Variants in ADGRL3 observed in about 807,000 individuals in gnomAD.
ADGRL3 encodes the protein adhesion G protein-coupled receptor L3.
A neutral mutation model predicts 153.5 loss-of-function variants in ADGRL3; 62 were observed. The observed-to-expected ratio is 0.40, with a 90% CI of 0.33 to 0.50. ADGRL3 has a LOEUF of 0.50. Ranked by LOEUF, ADGRL3 falls within the 20% of genes least tolerant of loss-of-function variation. ADGRL3 has a pLI of 0.47. For synonymous variants in ADGRL3, 710 were observed against 672.5 expected, an observed-to-expected ratio of 1.06 and a Z score of -0.86; for missense variants, 1,641 against 1,859.4, an observed-to-expected ratio of 0.88 and a Z score of 2.16.
At chr4:61,688,351 A>G (rs556656286) in intron 6 of ADGRL3, among the ~76,000 whole-genome samples, 1 of 152,218 alleles carries the variant, frequency 6.6e-6, no homozygotes, top group Non-Finnish European at 1.5e-5. Flanking sequence ...GTAACTTAGA[A>G]GTTACGAGTA....
At chr4:61,902,913 G>A (rs145654925) in intron 11 of ADGRL3, among the ~76,000 whole-genome samples, 3 of 152,174 alleles carry the variant, frequency 2.0e-5, no homozygotes, top group African/African-American at 7.2e-5. Flanking sequence ...TAGTATATAA[G>A]CTCCCTCTTA....
chr4:61,513,990 A>G (rs1270764965), intron 3 of ADGRL3, among the ~76,000 whole-genome samples: 16 of 152,200 alleles, frequency 1.1e-4, no homozygotes, highest in Admixed American at 1.0e-3. Flanking sequence ...ATGCCACAAC[A>G]TGCTGGTGTA....
At chr4:61,322,432 C>A (rs946583622) in intron 1 of ADGRL3, among the ~76,000 whole-genome samples, 1 of 152,148 alleles carries the variant, frequency 6.6e-6, no homozygotes, top group African/African-American at 2.4e-5. Context: ...AGCAGTGACT[C>A]AAAAGTCCAC....
rs371358190 is a variant in ADGRL3, at chr4:61,583,451, A to C, written c.260-3776A>C. On this transcript the variant is annotated intron_variant, in intron 4 of 26. Transcript: ENST00000683033. ...AGGTTTCAATAATGAAGTGGCTAAA[A>C]TTTCAGAAAAGAAGTAAAGAATAGG... Among the ~76,000 whole-genome samples, 216 of 152,274 alleles carry C rather than the reference A, an allele frequency of 1.4e-3. 5 individuals are homozygous for C. The South Asian group carries it at 0.044, about 31-fold the overall frequency.
intron 1 of ADGRL3, among the ~76,000 whole-genome samples, chr4:61,277,403 A>G (rs1240284765): frequency 6.6e-6 from 1 of 152,170 alleles, no homozygotes; most frequent in Non-Finnish European, 1.5e-5. Flanking sequence ...CCAGGTAGAA[A>G]CACACATATT....
At chr4:61,799,488 C>A (rs2097461985) in intron 8 of ADGRL3, among the ~76,000 whole-genome samples, 2 of 152,136 alleles carry the variant, frequency 1.3e-5, no homozygotes, top group East Asian at 1.9e-4. Flanking sequence ...TCTTCTATGA[C>A]AGACCACACA....
chr4:61,595,717 A>C (rs1377961475), intron 5 of ADGRL3, among the ~76,000 whole-genome samples: 1 of 152,134 alleles, frequency 6.6e-6, no homozygotes, highest in Non-Finnish European at 1.5e-5. Flanking sequence ...CTCTAAGCCT[A>C]GCCTAGCACT....
chr4:61,842,685 A>G (rs186101746), intron 9 of ADGRL3, among the ~76,000 whole-genome samples: 7 of 152,332 alleles, frequency 4.6e-5, no homozygotes, highest in Admixed American at 6.5e-5. Context: ...TTGATTCCAG[A>G]TGAATAAAGT....
In ADGRL3 at chr4:61,540,677, C is replaced by T. The variant is rs575093279; in HGVS notation, c.259+23159C>T. Among the ~76,000 whole-genome samples, 40 of 152,090 alleles carry T rather than the reference C, an allele frequency of 2.6e-4. 1 individual carries two copies. In the South Asian group the frequency reaches 7.5e-3, roughly 28 times the overall value. On this transcript the variant is annotated intron_variant, in intron 4 of 26. Coordinates refer to ENST00000683033, the MANE Select transcript of ADGRL3 (RefSeq NM_001387552.1). ...ATTCCTAAAACTGGATTGAATGTAG[C>T]GATACTTTTAGGGACAATATTTGAG...
intron 8 of ADGRL3, among the ~76,000 whole-genome samples, chr4:61,802,280 A>G (rs2097507107): frequency 6.6e-6 from 1 of 152,158 alleles, no homozygotes; most frequent in Non-Finnish European, 1.5e-5. Context: ...TTTGAAAGTG[A>G]GAAAATCCAA....
At chr4:61,623,833 CTGA>C (rs905928473) in intron 5 of ADGRL3, among the ~76,000 whole-genome samples, 19 of 152,036 alleles carry the variant, frequency 1.2e-4, no homozygotes, top group African/African-American at 4.3e-4. Flanking sequence ...GTGATCTAGT[CTGA>C]GGTGGTGGTG....
intron 9 of ADGRL3, among the ~76,000 whole-genome samples, chr4:61,815,918 A>G (rs540760645): frequency 6.6e-6 from 1 of 152,326 alleles, no homozygotes; most frequent in South Asian, 2.1e-4. Context: ...GAACTGTGAG[A>G]AAATAAACTT....
At chr4:61,605,212 G>A (rs954245442) in intron 5 of ADGRL3, among the ~76,000 whole-genome samples, 10 of 151,452 alleles carry the variant, frequency 6.6e-5, no homozygotes, top group Admixed American at 6.6e-4. Flanking sequence ...GCAACAAAAT[G>A]GAAATCAGAA....
At chr4:61,513,601 T>C (rs1169473479) in intron 3 of ADGRL3, among the ~76,000 whole-genome samples, 1 of 152,174 alleles carries the variant, frequency 6.6e-6, no homozygotes, top group Non-Finnish European at 1.5e-5. Context: ...AGAATGAAAG[T>C]GCTTACATTG....
At chr4:61,611,659 G>A (rs994771088) in intron 5 of ADGRL3, among the ~76,000 whole-genome samples, 8 of 152,072 alleles carry the variant, frequency 5.3e-5, no homozygotes, top group South Asian at 2.1e-4. Flanking sequence ...ACGGCGGCTC[G>A]TGCTTGTAAT....
intron 1 of ADGRL3, among the ~76,000 whole-genome samples, chr4:61,239,957 A>G (rs2149309677): frequency 6.6e-6 from 1 of 152,260 alleles, no homozygotes; most frequent in Non-Finnish European, 1.5e-5. Context: ...ATTATTTGGC[A>G]ATAACTTCGG....
At chr4:61,292,801 C>T (rs2094270538) in intron 1 of ADGRL3, among the ~76,000 whole-genome samples, 1 of 152,040 alleles carries the variant, frequency 6.6e-6, no homozygotes, top group Non-Finnish European at 1.5e-5. Flanking sequence ...TTTTTGATGC[C>T]TATTCTCAAA....
At chr4:61,369,406 C>G (rs1578473864) in intron 1 of ADGRL3, among the ~76,000 whole-genome samples, 1 of 152,212 alleles carries the variant, frequency 6.6e-6, no homozygotes, top group East Asian at 1.9e-4. Flanking sequence ...TATGTCCCAT[C>G]AATACCTAAT....
intron 1 of ADGRL3, among the ~76,000 whole-genome samples, chr4:61,224,249 G>A (rs1746923287): frequency 1.3e-5 from 2 of 152,122 alleles, no homozygotes; most frequent in East Asian, 3.9e-4. Flanking sequence ...AATTTGTTGG[G>A]TGAACTCATA....
Sources: allele counts gnomAD v4.1 joint callset (sites outside exome capture counted in the v4.1 genomes callset), GRCh38; gene constraint gnomAD v4.1.1; transcripts MANE v1.5; gene names NCBI Gene and HGNC (gene_info 2026-07-23, HGNC 2026-07-21).